The following TET2 variants were observed in gnomAD, a reference collection of about 807,000 sequenced individuals.
The protein encoded by TET2 is methylcytosine dioxygenase TET2.
A neutral mutation model predicts 142.9 loss-of-function variants in TET2; 299 were observed. The observed-to-expected ratio is 2.09, with a 90% CI of 1.90 to 2.30. TET2 has a LOEUF of 2.30. TET2 is among the 30% of genes most tolerant of loss of function. TET2 has a pLI of 0.00. For synonymous variants in TET2, 819 were observed against 849.0 expected (o/e 0.96, Z 0.61); for missense variants, 2,418 against 2,378.0 (o/e 1.02, Z -0.35).
At chr4:105,268,662 T>C (rs1446634275) in intron 8 of TET2, among the ~76,000 whole-genome samples, 1 of 152,220 alleles carries the variant, frequency 6.6e-6, no homozygotes, top group Non-Finnish European at 1.5e-5. Flanking sequence ...CTATAATTGC[T>C]ACTGTCTGTC....
chr4:105,220,992 C>T (rs1200666826), intron 2 of TET2, among the ~76,000 whole-genome samples: 1 of 152,084 alleles, frequency 6.6e-6, no homozygotes, highest in Non-Finnish European at 1.5e-5. Context: ...ATAAATGTAT[C>T]CTAGACAGTG....
In TET2 at chr4:105,179,863, A is replaced by T. The variant is rs1048803627; in HGVS notation, c.-192-10497A>T. Among the ~76,000 whole-genome samples, 3 of 152,226 alleles carry T rather than the reference A, an allele frequency of 2.0e-5. 1 individual carries two copies. Among genetic ancestry groups the T allele is most frequent in the South Asian group, 4.1e-4 (2 of 4,834 alleles). ...GCAGCTGCATTCCTAGTGAGGCATG[A>T]TTAAGTTTATCCCACTATTAGGTTC... On this transcript the variant is annotated intron_variant, in intron 1 of 10. Coordinates refer to ENST00000380013, the MANE Select transcript of TET2 (RefSeq NM_001127208.3).
At chr4:105,217,395 AT>A (rs905056125) in intron 2 of TET2, among the ~76,000 whole-genome samples, 6 of 152,008 alleles carry the variant, frequency 3.9e-5, no homozygotes, top group African/African-American at 1.2e-4. Context: ...GGTTTTATGA[AT>A]TTATACTCTC....
Position 105,234,214 on chromosome 4 carries a change from A to T in TET2, c.272A>T (p.Asn91Ile). The T allele has an allele frequency of 6.2e-7, 1 of 1,614,176 alleles. No individual in the cohort carries two copies. The highest frequency in any genetic ancestry group is 8.5e-7 in the Non-Finnish European group (1 of 1,180,006). Residue 91 changes from asparagine to isoleucine, a missense_variant, in exon 3 of 11, where the codon AAT becomes ATT. By Grantham distance (149) the Asn-to-Ile change is moderately radical. Coordinates refer to ENST00000380013, the MANE Select transcript of TET2 (RefSeq NM_001127208.3). ...ESRGYSKCLQ[N>I]GGIKRTVSEP... Reference sequence around the variant, plus strand: ...AGAGGGTATTCCAAGTGTTTGCAAAATGGAGGAATAAAACGCACAGTTAGT... The same window carrying T: ...AGAGGGTATTCCAAGTGTTTGCAAATTGGAGGAATAAAACGCACAGTTAGT...
At chr4:105,258,533 A>T (rs767818432) in intron 6 of TET2, among the ~76,000 whole-genome samples, 1 of 152,168 alleles carries the variant, frequency 6.6e-6, no homozygotes, top group Non-Finnish European at 1.5e-5. Context: ...AGGTGTCATT[A>T]CTTTTAGGCT....
intron 4 of TET2, 119 bp from the exon 5 acceptor site, chr4:105,242,715 G>A (rs1341710392): frequency 2.3e-5 from 34 of 1,465,170 alleles, no homozygotes; most frequent in Middle Eastern, 1.8e-4. Context: ...ATAATAAACC[G>A]TTCATTTCTC....
chr4:105,169,459 C>G (rs1240578076), intron 1 of TET2, among the ~76,000 whole-genome samples: 1 of 152,000 alleles, frequency 6.6e-6, no homozygotes, highest in Admixed American at 6.6e-5. Context: ...GTTGGAGTTC[C>G]TTGTAGATTC....
chr4:105,174,888 C>T (rs1479707912), intron 1 of TET2, among the ~76,000 whole-genome samples: 1 of 152,146 alleles, frequency 6.6e-6, no homozygotes, highest in African/African-American at 2.4e-5. Flanking sequence ...AGTGTAACCT[C>T]CCAAAGGGAA....
chr4:105,168,467 A>G (rs1408805865), intron 1 of TET2, among the ~76,000 whole-genome samples: 2 of 151,948 alleles, frequency 1.3e-5, no homozygotes, highest in Non-Finnish European at 2.9e-5. Context: ...TATTGTTTCT[A>G]TCTTTCCTTC....
intron 2 of TET2, among the ~76,000 whole-genome samples, chr4:105,214,898 A>G (rs1727403312): frequency 6.6e-6 from 1 of 152,156 alleles, no homozygotes; most frequent in African/African-American, 2.4e-5. Flanking sequence ...CTGCTTGACC[A>G]AACGTATTGA....
chr4:105,174,529 A>C (rs1474867012), intron 1 of TET2, among the ~76,000 whole-genome samples: 1 of 152,238 alleles, frequency 6.6e-6, no homozygotes. Flanking sequence ...GCAGACAGGT[A>C]GATAGAAAGA....
intron 2 of TET2, among the ~76,000 whole-genome samples, chr4:105,216,512 A>T (rs1048602461): frequency 2.0e-5 from 3 of 152,102 alleles, no homozygotes; most frequent in Non-Finnish European, 4.4e-5. Context: ...AAAGATGGAT[A>T]CGATAGAGGG....
intron 2 of TET2, among the ~76,000 whole-genome samples, chr4:105,191,465 T>C (rs1448075667): frequency 1.3e-5 from 2 of 152,206 alleles, no homozygotes; most frequent in African/African-American, 4.8e-5. Context: ...TATAGAGACA[T>C]TGCAGGAGAG....
intron 1 of TET2, among the ~76,000 whole-genome samples, chr4:105,174,015 C>T (rs1724633384): frequency 6.6e-6 from 1 of 152,100 alleles, no homozygotes; most frequent in South Asian, 2.1e-4. Context: ...ATAGCTGTCC[C>T]TATCAACATA....
chr4:105,242,084 C>G lies in TET2; in HGVS notation c.3500+655C>G, dbSNP rs1404006081. 2.5e-6 allele frequency: 3 copies of G among 1,212,664 alleles called. No individual in the cohort carries two copies. The African/African-American group carries it at 4.7e-5, about 19-fold the overall frequency. 75.1% of individuals were successfully genotyped at this position (1,212,664 alleles called of 1,614,324 possible). A position where few individuals can be genotyped will look rare whatever the true frequency, so the allele number is the denominator to read the frequency against. On this transcript the variant is annotated intron_variant, in intron 4 of 10. Transcript: ENST00000380013. ...TCTGAGCTGTTCTTCTTCTAGGGTG[C>G]CTTTTCATTAAGAGGTAGGCAGTAT...
At chr4:105,241,077 ATTT>A (rs1729272901) in intron 3 of TET2, 3 of 1,093,538 alleles carry the variant, frequency 2.7e-6, no homozygotes, top group Middle Eastern at 7.8e-4. Context: ...GTTTAGTTTC[ATTT>A]ATTTGGTTTA....
chr4:105,204,434 A>G (rs1726695646), intron 2 of TET2, among the ~76,000 whole-genome samples: 1 of 152,170 alleles, frequency 6.6e-6, no homozygotes, highest in African/African-American at 2.4e-5. Context: ...GACATCATGT[A>G]ATATCAGGCC....
chr4:105,251,974 C>T (rs1457142541), intron 6 of TET2, among the ~76,000 whole-genome samples: 1 of 152,216 alleles, frequency 6.6e-6, no homozygotes, highest in African/African-American at 2.4e-5. Flanking sequence ...TAGCCTCCCT[C>T]ATTATCAACA....
intron 2 of TET2, among the ~76,000 whole-genome samples, chr4:105,221,255 T>C (rs1727797637): frequency 6.6e-6 from 1 of 152,082 alleles, no homozygotes; most frequent in Non-Finnish European, 1.5e-5. Context: ...AAGTGGATAA[T>C]AGAGAATTGA....
Sources: allele counts gnomAD v4.1 joint callset (sites outside exome capture counted in the v4.1 genomes callset), GRCh38; gene constraint gnomAD v4.1.1; transcripts MANE v1.5; gene names NCBI Gene and HGNC (gene_info 2026-07-23, HGNC 2026-07-21).